Variants in CXADR observed in about 807,000 individuals in gnomAD.
CXADR encodes the protein coxsackievirus and adenovirus receptor.
In CXADR, 20 loss-of-function variants were observed where a neutral mutation model predicts 40.3. The observed-to-expected ratio is 0.50, with a 90% CI of 0.35 to 0.72. The LOEUF is 0.72. CXADR is among the 30% of genes least tolerant of loss of function. The pLI, the probability that CXADR is intolerant of heterozygous loss-of-function variation, is 0.01. For synonymous variants in CXADR, 150 were observed against 161.3 expected (o/e 0.93, Z 0.53); for missense variants, 332 against 449.1 (o/e 0.74, Z 2.36).
In CXADR at chr21:17,575,789, A is replaced by T. The variant is rs1292515379; in HGVS notation, c.1017+10178A>T. Among the ~76,000 whole-genome samples, 15 of 138,720 alleles carry T rather than the reference A, an allele frequency of 1.1e-4. No homozygotes were observed. The East Asian group carries it at 1.6e-3, about 15-fold the overall frequency. The allele number at this position is 138,720 out of a possible 152,430, so 91.0% of individuals were successfully genotyped here. On this transcript the variant is annotated intron_variant, in intron 7 of 7. Transcript: ENST00000400169. ...ATTAATTTGTAAAATTTTTAAAGTT[A>T]AAAAAAAATGATTTTAGGCTGGGCG...
the CXADR span, among the ~76,000 whole-genome samples, chr21:17,609,507 C>CGA: frequency 6.6e-6 from 1 of 152,136 alleles, no homozygotes; most frequent in East Asian, 1.9e-4. Context: ...CTGCAATAAT[C>CGA]TAAGTTTAAA....
chr21:17,634,416 A>C, the CXADR span, among the ~76,000 whole-genome samples: 1 of 152,252 alleles, frequency 6.6e-6, no homozygotes, highest in Non-Finnish European at 1.5e-5. Flanking sequence ...TAGCCTAAAC[A>C]GGGCTCTTTT....
At chr21:17,514,410 C>T (rs1341463924) in intron 1 of CXADR, among the ~76,000 whole-genome samples, 3 of 152,068 alleles carry the variant, frequency 2.0e-5, no homozygotes, top group Non-Finnish European at 4.4e-5. Flanking sequence ...ATCATTTAGA[C>T]TTGGCGGGCT....
At chr21:17,579,909 T>C (rs1601054794) in intron 7 of CXADR, among the ~76,000 whole-genome samples, 1 of 152,160 alleles carries the variant, frequency 6.6e-6, no homozygotes, top group East Asian at 1.9e-4. Flanking sequence ...CCTTTCCTAT[T>C]CATTTACTAT....
intron 7 of CXADR, among the ~76,000 whole-genome samples, chr21:17,580,999 C>G (rs1323819781): frequency 6.6e-6 from 1 of 152,184 alleles, no homozygotes. Context: ...GATCCTCCTG[C>G]CTTAGCCTCC....
chr21:17,521,010 G>A (rs1569073142), intron 1 of CXADR, among the ~76,000 whole-genome samples: 1 of 152,198 alleles, frequency 6.6e-6, no homozygotes, highest in Non-Finnish European at 1.5e-5. Flanking sequence ...ACAGACATTG[G>A]TGATACAGAC....
intron 1 of CXADR, among the ~76,000 whole-genome samples, chr21:17,526,577 G>T (rs77058609): frequency 0.015 from 2,312 of 152,276 alleles, 58 homozygotes; most frequent in African/African-American, 0.052. Flanking sequence ...GGTAATGGTT[G>T]CTGGGGAAAT....
the CXADR span, among the ~76,000 whole-genome samples, chr21:17,631,353 CTGCTTTTCACGCTCTTT>C: frequency 1.3e-5 from 2 of 152,160 alleles, no homozygotes; most frequent in African/African-American, 2.4e-5. Flanking sequence ...TATCATCCCA[CTGCTTTTCACGCTCTTT>C]TGCTTTTTGT....
intron 7 of CXADR, among the ~76,000 whole-genome samples, chr21:17,581,070 A>G (rs555414782): frequency 6.6e-6 from 1 of 152,314 alleles, no homozygotes; most frequent in African/African-American, 2.4e-5. Flanking sequence ...TTTTTAATTT[A>G]ACAATTGCTC....
chr21:17,604,403 C>A, the CXADR span: 1 of 188,120 alleles, frequency 5.3e-6, no homozygotes, highest in Non-Finnish European at 1.1e-5. Context: ...CAAGAATGCA[C>A]CATTGCGCTC....
At chr21:17,600,752 C>CT in the CXADR span, among the ~76,000 whole-genome samples, 1 of 152,166 alleles carries the variant, frequency 6.6e-6, no homozygotes, top group African/African-American at 2.4e-5. Context: ...TAGATGAGTT[C>CT]TATTTCTTCA....
At chr21:17,615,443 C>A in the CXADR span, among the ~76,000 whole-genome samples, 2 of 152,132 alleles carry the variant, frequency 1.3e-5, no homozygotes, top group South Asian at 2.1e-4. Context: ...CAGTGGATGT[C>A]TGAAACTGCA....
chr21:17,623,884 C>T, the CXADR span, among the ~76,000 whole-genome samples: 1 of 152,168 alleles, frequency 6.6e-6, no homozygotes. Flanking sequence ...ACTCAAGTAG[C>T]AGTTTTAAAT....
rs576538506 is a variant in CXADR at position 17,537,695 on chromosome 21, C to T, written c.44-9332C>T. ...TGTTCCTTTTGTTTTGTTTCCTCAG[C>T]GATAGAAAAAAGAAAACCTTCATTC... is the stretch of plus-strand genomic sequence containing the variant. On this transcript the variant is annotated intron_variant, in intron 1 of 6. Transcript: ENST00000284878. Among the ~76,000 whole-genome samples the T allele has an allele frequency of 3.3e-5, 5 of 151,768 alleles. No homozygotes were observed. The South Asian group carries it at 6.3e-4, about 19-fold the overall frequency.
At chr21:17,559,332 A>G (rs1241697735) in intron 4 of CXADR, among the ~76,000 whole-genome samples, 2 of 137,390 alleles carry the variant, frequency 1.5e-5, no homozygotes, top group Non-Finnish European at 3.1e-5. Flanking sequence ...GGTGCATGCC[A>G]TCACACCCTG....
chr21:17,513,199 C>A, intron 1 of CXADR, 27 bp downstream of exon 1: 1 of 1,355,722 alleles, frequency 7.4e-7, no homozygotes, highest in Non-Finnish European at 9.5e-7. Context: ...GGGTCCTCAG[C>A]ACCCGCCCAG....
chr21:17,552,019 T>C lies in CXADR; in HGVS notation c.415+66T>C, dbSNP rs716524. 5.5e-3 allele frequency: 6,412 copies of C among 1,171,712 alleles called. 282 individuals are homozygous for C. The African/African-American group carries it at 0.089, about 16-fold the overall frequency. 72.6% of individuals were successfully genotyped at this position (1,171,712 alleles called of 1,614,324 possible). On this transcript the variant is annotated intron_variant, in intron 3 of 6. Transcript: ENST00000284878. ...AGAATGATTAGTCATAGTACTGTAG[T>C]AGCAGCACTTGTATAAAATAAAGCT...
the CXADR span, chr21:17,608,980 C>T: frequency 1.2e-6 from 2 of 1,613,180 alleles, no homozygotes; most frequent in African/African-American, 2.7e-5. Context: ...ACCTGTAGGC[C>T]TGTCCTTTCG....
chr21:17,633,752 G>A, the CXADR span, among the ~76,000 whole-genome samples: 1 of 152,102 alleles, frequency 6.6e-6, no homozygotes, highest in Non-Finnish European at 1.5e-5. Flanking sequence ...GCTATTGTCT[G>A]TTCTTTGAGC....
Sources: allele counts gnomAD v4.1 joint callset (sites outside exome capture counted in the v4.1 genomes callset), GRCh38; gene constraint gnomAD v4.1.1; transcripts MANE v1.5; gene names NCBI Gene and HGNC (gene_info 2026-07-23, HGNC 2026-07-21).